The following EPHA5 variants were observed in gnomAD, a reference collection of about 807,000 sequenced individuals.
EPHA5 encodes ephrin type-A receptor 5.
In EPHA5, 60 loss-of-function variants were observed where a neutral mutation model predicts 105.0. That is an observed-to-expected ratio of 0.57 (90% CI 0.46 to 0.71). EPHA5 has a LOEUF of 0.71. Among genes scored for constraint, EPHA5 ranks in the 30% least tolerant of loss-of-function variants. The probability of loss-of-function intolerance (pLI) is 0.00; values close to 1 mark genes in which losing one functional copy is unlikely to be tolerated. For missense variants in EPHA5, 1,218 were observed against 1,274.7 expected (o/e 0.96, Z 0.68); for synonymous variants, 513 against 449.1 (o/e 1.14, Z -1.80).
At chr4:65,332,616 G>C (rs1376423) in intron 15 of EPHA5, among the ~76,000 whole-genome samples, 34,014 of 146,908 alleles carry the variant, frequency 0.23, 3,293 homozygotes, top group East Asian at 0.31. Context: ...GTAATGGGGT[G>C]GTGGGGGGTG....
At chr4:65,573,636 T>A in intron 3 of EPHA5, 1 of 1,601,184 alleles carries the variant, frequency 6.2e-7, no homozygotes, top group Non-Finnish European at 8.5e-7. Flanking sequence ...GTATTCCCGA[T>A]CTGCCATGTA....
At chr4:65,566,878 T>C (rs149325365) in intron 3 of EPHA5, among the ~76,000 whole-genome samples, 58 of 151,900 alleles carry the variant, frequency 3.8e-4, no homozygotes, top group African/African-American at 1.4e-3. Context: ...TATTTTTTGA[T>C]AATTTTTAAA....
Position 65,547,340 on chromosome 4 carries a change from A to G in EPHA5, c.911-51797T>C, listed in dbSNP as rs1737477551. Among the ~76,000 whole-genome samples, 4 of 151,414 alleles carry G rather than the reference A, an allele frequency of 2.6e-5. No homozygotes were observed. The Admixed American group carries it at 2.6e-4, about 10-fold the overall frequency. ...AAGAAACCAGAATGACTTTACTGCTATCACTCTTATGATGAGAACAAAAGA... is the reference window on the plus strand; with the variant it reads ...AAGAAACCAGAATGACTTTACTGCTGTCACTCTTATGATGAGAACAAAAGA... On this transcript the variant is annotated intron_variant, in intron 3 of 16. Transcript: ENST00000613740.
chr4:65,468,304 T>C (rs1321040990), intron 5 of EPHA5, among the ~76,000 whole-genome samples: 1 of 151,762 alleles, frequency 6.6e-6, no homozygotes, highest in Non-Finnish European at 1.5e-5. Context: ...GTTTGTTACA[T>C]ATCACATAGC....
At chr4:65,375,504 AG>A (rs1161128412) in intron 8 of EPHA5, among the ~76,000 whole-genome samples, 1 of 151,902 alleles carries the variant, frequency 6.6e-6, no homozygotes, top group African/African-American at 2.4e-5. Flanking sequence ...CAGTAGAAAA[AG>A]ATACTATCTT....
chr4:65,556,238 T>C (rs1170608074), intron 3 of EPHA5, among the ~76,000 whole-genome samples: 1 of 152,132 alleles, frequency 6.6e-6, no homozygotes, highest in Non-Finnish European at 1.5e-5. Context: ...AATTAAATGG[T>C]ACAGCCTCAA....
At chr4:65,439,156 A>C (rs1027060521) in intron 5 of EPHA5, among the ~76,000 whole-genome samples, 1 of 152,168 alleles carries the variant, frequency 6.6e-6, no homozygotes, top group Non-Finnish European at 1.5e-5. Context: ...TTCAGAGTCC[A>C]TATGTCTAAC....
chr4:65,571,241 T>G (rs1460279424), intron 3 of EPHA5, among the ~76,000 whole-genome samples: 1 of 151,974 alleles, frequency 6.6e-6, no homozygotes, highest in African/African-American at 2.4e-5. Context: ...TTAAATTTAC[T>G]TTAAAAAGGA....
chr4:65,495,979 T>C (rs1731893970), intron 3 of EPHA5, among the ~76,000 whole-genome samples: 1 of 152,204 alleles, frequency 6.6e-6, no homozygotes, highest in Non-Finnish European at 1.5e-5. Flanking sequence ...TATTGAATAA[T>C]AAATTAATTA....
At chr4:65,562,824 G>T (rs967378560) in intron 3 of EPHA5, among the ~76,000 whole-genome samples, 1 of 151,948 alleles carries the variant, frequency 6.6e-6, no homozygotes, top group Non-Finnish European at 1.5e-5. Flanking sequence ...AAATTAGCCA[G>T]GTGTGGTGGT....
chr4:65,422,663 T>C (rs1027360824), intron 5 of EPHA5, among the ~76,000 whole-genome samples: 1 of 152,078 alleles, frequency 6.6e-6, no homozygotes, highest in Non-Finnish European at 1.5e-5. Context: ...TATTCCAAAC[T>C]CTTTCCATAT....
intron 5 of EPHA5, among the ~76,000 whole-genome samples, chr4:65,435,837 A>T (rs1725423882): frequency 6.6e-6 from 1 of 152,028 alleles, no homozygotes; most frequent in South Asian, 2.1e-4. Context: ...AAAAAAATCC[A>T]TCCACAATTG....
chr4:65,378,158 T>C (rs866800008), intron 8 of EPHA5, among the ~76,000 whole-genome samples: 53 of 152,066 alleles, frequency 3.5e-4, no homozygotes, highest in African/African-American at 1.2e-3. Flanking sequence ...ATATTTTCTT[T>C]TGTAGCACTG....
chr4:65,607,896 A>AGCACT (rs1187598267), intron 2 of EPHA5, among the ~76,000 whole-genome samples: 27 of 152,334 alleles, frequency 1.8e-4, no homozygotes, highest in African/African-American at 6.3e-4. Flanking sequence ...TGTTTACTGC[A>AGCACT]GCACTGATCA....
At position 65,403,875 on chromosome 4, in the gene EPHA5, T is replaced by C. The variant is rs147593726; in HGVS notation, c.1793+499A>G. 6.5e-3 allele frequency among the ~76,000 whole-genome samples: 993 copies of C among 152,266 alleles called. 13 individuals are homozygous for C. Among genetic ancestry groups the C allele is most frequent in the African/African-American group, 0.023 (954 of 41,570 alleles). On this transcript the variant is annotated intron_variant, in intron 8 of 16. Coordinates refer to ENST00000613740, the MANE Select transcript of EPHA5 (RefSeq NM_001281766.3). ...ACTTAGAAGCTGAAAATAAAAGTGG[T>C]CAGTGAAAATGTTTGGTCATTTTCC... is the stretch of plus-strand genomic sequence containing the variant.
At chr4:65,495,069 T>C (rs1731789919) in intron 4 of EPHA5, among the ~76,000 whole-genome samples, 1 of 152,004 alleles carries the variant, frequency 6.6e-6, no homozygotes, top group Non-Finnish European at 1.5e-5. Context: ...AACTGGGAAG[T>C]AGATTATCAA....
At position 65,351,512 on chromosome 4, in the gene EPHA5, G is replaced by A. The variant is rs907768294; in HGVS notation, c.2322C>T (p.Gly774=). The change falls in exon 13 of 17, where the codon GGC becomes GGT. Residue 774 remains glycine, a synonymous_variant. Transcript: ENST00000613740. Reference sequence around the variant, plus strand: ...TGGCAGCAAGATCTCTATGCACATAGCCCATGTCAGAAAGGTACTTCATTC... The same window carrying A: ...TGGCAGCAAGATCTCTATGCACATAACCCATGTCAGAAAGGTACTTCATTC... ...SAGMKYLSDM[G]YVHRDLAARN... is the part of the protein sequence containing the mutation. 6 of 1,613,596 alleles carry A rather than the reference G, an allele frequency of 3.7e-6. No individual in the cohort carries two copies. Among genetic ancestry groups the A allele is most frequent in the Non-Finnish European group, 5.1e-6 (6 of 1,179,794 alleles).
At chr4:65,586,449 A>T (rs1000295172) in intron 3 of EPHA5, among the ~76,000 whole-genome samples, 1 of 151,760 alleles carries the variant, frequency 6.6e-6, no homozygotes, top group African/African-American at 2.4e-5. Context: ...AATTACTAGC[A>T]AATAGTTGTC....
chr4:65,640,561 C>T (rs887482193), intron 2 of EPHA5, among the ~76,000 whole-genome samples: 18 of 152,178 alleles, frequency 1.2e-4, no homozygotes, highest in African/African-American at 3.9e-4. Context: ...GCTGGGATTA[C>T]AGGCGTGAGC....
Sources: allele counts gnomAD v4.1 joint callset (sites outside exome capture counted in the v4.1 genomes callset), GRCh38; gene constraint gnomAD v4.1.1; transcripts MANE v1.5; gene names NCBI Gene and HGNC (gene_info 2026-07-23, HGNC 2026-07-21).